ADCY1: variants seen among roughly 807,000 people sequenced by gnomAD.
The protein encoded by ADCY1 is adenylate cyclase 1.
A neutral mutation model predicts 105.4 loss-of-function variants in ADCY1; 28 were observed. The observed-to-expected ratio is 0.27, with a 90% CI of 0.20 to 0.36. The LOEUF is 0.36. Ranked by LOEUF, ADCY1 falls within the 10% of genes least tolerant of loss-of-function variation. ADCY1 has a pLI of 1.00. For missense variants in ADCY1, 977 were observed against 1,434.2 expected (o/e 0.68, Z 5.15); for synonymous variants, 655 against 623.8 (o/e 1.05, Z -0.75).
intron 3 of ADCY1, among the ~76,000 whole-genome samples, chr7:45,616,704 G>A (rs1793747746): frequency 6.6e-6 from 1 of 152,170 alleles, no homozygotes; most frequent in African/African-American, 2.4e-5. Context: ...CCACAGCTAT[G>A]ATCATACTCA....
Position 45,701,017 on chromosome 7 carries a change from G to A in ADCY1, c.2455-2359G>A, listed in dbSNP as rs1584341634. 3.3e-5 allele frequency among the ~76,000 whole-genome samples: 5 copies of A among 152,354 alleles called. No individual in the cohort carries two copies. The South Asian group carries it at 1.0e-3, about 32-fold the overall frequency. ...TGGTCAGTGATTTCTGAAACAGAAG[G>A]ACAATTGAGAAGGGAAATACCTTTT... On this transcript the variant is annotated intron_variant, in intron 14 of 19. Coordinates refer to ENST00000297323, the MANE Select transcript of ADCY1 (RefSeq NM_021116.4).
chr7:45,662,014 G>C lies in ADCY1; in HGVS notation c.1450-45G>C, dbSNP rs77565381. ...ATTCCCAGTCCGAGAGGCACAATGT[G>C]TCTCATTCACAGCATTTCTCCTTGC... On this transcript the variant is annotated intron_variant, in intron 7 of 19. Coordinates refer to ENST00000297323, the MANE Select transcript of ADCY1 (RefSeq NM_021116.4). 6.7e-5 allele frequency: 107 copies of C among 1,591,850 alleles called. No homozygotes were observed. The African/African-American group carries it at 1.3e-3, about 19-fold the overall frequency.
At chr7:45,629,092 C>G (rs1794151747) in intron 4 of ADCY1, among the ~76,000 whole-genome samples, 1 of 152,232 alleles carries the variant, frequency 6.6e-6, no homozygotes, top group Non-Finnish European at 1.5e-5. Flanking sequence ...CAATCCCTGT[C>G]TCCTCCCACT....
At chr7:45,596,262 T>C (rs1008787529) in intron 2 of ADCY1, among the ~76,000 whole-genome samples, 2 of 152,180 alleles carry the variant, frequency 1.3e-5, no homozygotes, top group African/African-American at 4.8e-5. Context: ...TCAGCACCTG[T>C]TCCCAGAGCC....
rs931108594 is a variant in ADCY1 at position 45,630,929 on chromosome 7, A to G, written c.1020+8186A>G. 2.6e-5 allele frequency among the ~76,000 whole-genome samples: 4 copies of G among 152,148 alleles called. 1 individual carries two copies. The highest frequency in any genetic ancestry group is 6.3e-3 in the Middle Eastern group (2 of 316). On this transcript the variant is annotated intron_variant, in intron 4 of 19. Coordinates refer to ENST00000297323, the MANE Select transcript of ADCY1 (RefSeq NM_021116.4). ...GGCATGGAATTTCAGCCTACCACACACTGAGAGCAGCCATCCAAAATCTCT... is the reference window on the plus strand; with the variant it reads ...GGCATGGAATTTCAGCCTACCACACGCTGAGAGCAGCCATCCAAAATCTCT...
chr7:45,686,111 A>T lies in ADCY1; in HGVS notation c.2223A>T (p.Leu741=). The part of the protein sequence containing the change: ...LLCCLVGTLP[L]AIFFRVSSLP... Reference sequence around the variant, plus strand: ...GCTGCCTGGTGGGCACCCTCCCGCTAGCCATATTTTTCCGGGTGTCCTCCT... The same window carrying T: ...GCTGCCTGGTGGGCACCCTCCCGCTTGCCATATTTTTCCGGGTGTCCTCCT... The change falls in exon 13 of 20, where the codon CTA becomes CTT. Residue 741 remains leucine (L), a synonymous_variant. Coordinates refer to ENST00000297323, the MANE Select transcript of ADCY1 (RefSeq NM_021116.4). This position sits in a 1 kb window ranked among gnomAD's most constrained non-coding sequence, Gnocchi z 4.3. The T allele has an allele frequency of 1.2e-6, 2 of 1,614,080 alleles. No individual in the cohort carries two copies. The highest frequency in any genetic ancestry group is 1.7e-6 in the Non-Finnish European group (2 of 1,180,000).
chr7:45,612,588 C>G (rs1481989818), intron 3 of ADCY1, among the ~76,000 whole-genome samples: 1 of 152,180 alleles, frequency 6.6e-6, no homozygotes, highest in East Asian at 1.9e-4. Flanking sequence ...GGAAAGGCAT[C>G]AAAAGTCAAG....
At chr7:45,653,151 A>T (rs1446536147) in intron 5 of ADCY1, among the ~76,000 whole-genome samples, 1 of 152,368 alleles carries the variant, frequency 6.6e-6, no homozygotes, top group East Asian at 1.9e-4. Flanking sequence ...GATGAGAAGT[A>T]TCCTAACTGT....
intron 5 of ADCY1, among the ~76,000 whole-genome samples, chr7:45,651,194 G>A (rs755472456): frequency 1.3e-5 from 2 of 152,088 alleles, no homozygotes; most frequent in African/African-American, 2.4e-5. Context: ...GCTCTGGACC[G>A]GAAGAAAAGC....
At chr7:45,646,145 C>T (rs1488256035) in intron 4 of ADCY1, among the ~76,000 whole-genome samples, 2 of 152,080 alleles carry the variant, frequency 1.3e-5, no homozygotes, top group Non-Finnish European at 2.9e-5. Flanking sequence ...CAGAGCACAC[C>T]AGGGCAGTGC....
Position 45,648,655 on chromosome 7 carries a change from T to C in ADCY1, c.1021-15T>C, listed in dbSNP as rs748896419. Reference sequence around the variant, plus strand: ...TAGCGCTGTCTCTTACCATGTGCCTTGCCCTTCCCTGAAGGAGAACCACTG... The same window carrying C: ...TAGCGCTGTCTCTTACCATGTGCCTCGCCCTTCCCTGAAGGAGAACCACTG... On this transcript the variant is annotated splice_polypyrimidine_tract_variant and intron_variant, in intron 4 of 19. Coordinates refer to ENST00000297323, the MANE Select transcript of ADCY1 (RefSeq NM_021116.4). 2.5e-6 allele frequency: 4 copies of C among 1,614,032 alleles called. No homozygotes were observed. In the Admixed American group the frequency reaches 6.7e-5, roughly 27 times the overall value.
At position 45,678,283 on chromosome 7, in the gene ADCY1, A is replaced by G. The variant is rs1208446257; in HGVS notation, c.1898+20A>G. 3 of 1,606,714 alleles carry G rather than the reference A, an allele frequency of 1.9e-6. No homozygotes were observed. In the African/African-American group the frequency reaches 4.0e-5, roughly 22 times the overall value. ...CCCACAGTGAGTATTTCTATCAACGAGGTGAGGAACTCACCAAGAAGTCCC... is the reference window on the plus strand; with the variant it reads ...CCCACAGTGAGTATTTCTATCAACGGGGTGAGGAACTCACCAAGAAGTCCC... On this transcript the variant is annotated intron_variant, in intron 10 of 19. Coordinates refer to ENST00000297323, the MANE Select transcript of ADCY1 (RefSeq NM_021116.4).
At chr7:45,667,667 A>G (rs567527449) in intron 8 of ADCY1, among the ~76,000 whole-genome samples, 98 of 152,342 alleles carry the variant, frequency 6.4e-4, no homozygotes, top group African/African-American at 2.3e-3. Context: ...TTCTGTGAAG[A>G]AAGTCATTGG....
At chr7:45,605,565 AT>A (rs57760402) in intron 2 of ADCY1, among the ~76,000 whole-genome samples, 22,486 of 147,384 alleles carry the variant, frequency 0.15, 1,806 homozygotes, top group African/African-American at 0.22. Flanking sequence ...TTGCTATGTG[AT>A]TTTTTTTTTT....
intron 5 of ADCY1, among the ~76,000 whole-genome samples, chr7:45,655,254 C>T (rs985830932): frequency 1.3e-5 from 2 of 152,216 alleles, no homozygotes; most frequent in South Asian, 4.1e-4. Flanking sequence ...CAGTGGCCCC[C>T]TCTGCCAGAG....
chr7:45,642,644 G>A (rs1794556254), intron 4 of ADCY1, among the ~76,000 whole-genome samples: 1 of 152,108 alleles, frequency 6.6e-6, no homozygotes, highest in African/African-American at 2.4e-5. Context: ...GGGTGGCTGT[G>A]CACTTCTCGT....
At position 45,713,987 on chromosome 7, in the gene ADCY1, G is replaced by C; in HGVS notation, c.3352G>C (p.Glu1118Gln). ...CCTGCCCTCTGCAGCAGCTGGGAAG[G>C]AGGCTTAGTGGAGCCCACGTGGGCC... ...QYLPSAAAGK[E>Q]A The change falls in exon 20 of 20, where the codon GAG (glutamate) becomes CAG (glutamine). Residue 1118 changes from glutamate to glutamine, a missense_variant. Glu to Gln is a conservative substitution (Grantham distance 29). Around this residue, in one of 7 missense-constraint regions of ADCY1, gnomAD observed 78 missense variants for 60.0 expected, o/e 1.30. Transcript: ENST00000297323. The C allele has an allele frequency of 2.6e-6, 2 of 775,938 alleles. No individual in the cohort carries two copies. The highest frequency in any genetic ancestry group is 4.8e-6 in the Non-Finnish European group (2 of 414,888). The allele number at this position is 775,938 out of a possible 1,614,324, so 48.1% of individuals were successfully genotyped here.
intron 17 of ADCY1, among the ~76,000 whole-genome samples, chr7:45,705,090 T>G: frequency 6.6e-6 from 1 of 152,230 alleles, no homozygotes; most frequent in East Asian, 1.9e-4. Flanking sequence ...AATAATCTTC[T>G]GAAAGAGAAA....
rs1274538907 is a variant in ADCY1 at position 45,574,587 on chromosome 7, C to T, written c.44C>T (p.Ala15Val). 1.2e-5 allele frequency: 12 copies of T among 1,037,006 alleles called. No homozygotes were observed. Among genetic ancestry groups the T allele is most frequent in the African/African-American group, 7.0e-5 (4 of 57,548 alleles). The allele number at this position is 1,037,006 out of a possible 1,614,324, so 64.2% of individuals were successfully genotyped here. A position where few individuals can be genotyped will look rare whatever the true frequency, so the allele number is the denominator to read the frequency against. Residue 15 changes from alanine to valine, a missense_variant, in exon 1 of 20, where the codon GCG (alanine) becomes GTG (valine). This residue lies in a region of ADCY1 where 209 missense variants were observed against 222.5 expected (regional missense o/e 0.94). Transcript: ENST00000297323. The surrounding 1 kb of genome is among the most constrained non-coding windows in gnomAD (Gnocchi z 7.0). Reference sequence around the variant, plus strand: ...GGCGGAGGCGGCGGCGGAGGCGGCGCGGGCGAGCCCGGGGGCGCCGAGCGG... The same window carrying T: ...GGCGGAGGCGGCGGCGGAGGCGGCGTGGGCGAGCCCGGGGGCGCCGAGCGG... ...PRGGGGGGGG[A>V]GEPGGAERAA...
Sources: allele counts gnomAD v4.1 joint callset (sites outside exome capture counted in the v4.1 genomes callset), GRCh38; gene constraint gnomAD v4.1.1; regional missense constraint gnomAD v4.1.1; non-coding constraint Gnocchi (gnomAD v3.1); transcripts MANE v1.5; gene names NCBI Gene and HGNC (gene_info 2026-07-23, HGNC 2026-07-21).